Variants in MBNL2 observed in about 807,000 individuals in gnomAD.
MBNL2 encodes the protein muscleblind-like protein 2.
A neutral mutation model predicts 41.9 loss-of-function variants in MBNL2; 17 were observed. That is an observed-to-expected ratio of 0.41 (90% CI 0.28 to 0.61). MBNL2 has a LOEUF of 0.61. MBNL2 is among the 20% of genes least tolerant of loss of function. The probability of loss-of-function intolerance (pLI) is 0.35; values close to 1 mark genes in which losing one functional copy is unlikely to be tolerated. For synonymous variants in MBNL2, 195 were observed against 182.9 expected, an observed-to-expected ratio of 1.07 and a Z score of -0.53; for missense variants, 336 against 505.6, an observed-to-expected ratio of 0.66 and a Z score of 3.22.
chr13:97,234,839 C>G (rs778802450), intron 1 of MBNL2, among the ~76,000 whole-genome samples: 1 of 152,224 alleles, frequency 6.6e-6, no homozygotes, highest in African/African-American at 2.4e-5. Flanking sequence ...CGAGCATTTT[C>G]GCAGTAGCGC....
At chr13:97,281,217 G>T (rs923828602) in intron 2 of MBNL2, among the ~76,000 whole-genome samples, 5 of 152,168 alleles carry the variant, frequency 3.3e-5, no homozygotes, top group African/African-American at 1.2e-4. Context: ...TTGTACAGGG[G>T]TGCACTGCAC....
the MBNL2 span, among the ~76,000 whole-genome samples, chr13:97,191,854 A>T: frequency 6.6e-6 from 1 of 152,150 alleles, no homozygotes; most frequent in Admixed American, 6.5e-5. Flanking sequence ...GCCAGAAGGG[A>T]TCCCACACCC....
At chr13:97,289,443 T>C (rs1283461956) in intron 2 of MBNL2, among the ~76,000 whole-genome samples, 1 of 152,036 alleles carries the variant, frequency 6.6e-6, no homozygotes, top group Non-Finnish European at 1.5e-5. Flanking sequence ...ATTTAAATCA[T>C]ATGGCCTTTC....
the MBNL2 span, among the ~76,000 whole-genome samples, chr13:97,144,268 G>T: frequency 6.6e-6 from 1 of 152,126 alleles, no homozygotes; most frequent in Non-Finnish European, 1.5e-5. Context: ...TGCTAGGATC[G>T]CACCTCCATG....
intron 2 of MBNL2, among the ~76,000 whole-genome samples, chr13:97,306,778 T>G (rs552031753): frequency 7.2e-5 from 11 of 152,336 alleles, no homozygotes; most frequent in Non-Finnish European, 1.3e-4. Context: ...GGAGGAAACC[T>G]GCATGGGAAG....
intron 3 of MBNL2, among the ~76,000 whole-genome samples, chr13:97,335,491 C>G (rs2060802444): frequency 6.6e-6 from 1 of 152,002 alleles, no homozygotes; most frequent in South Asian, 2.1e-4. Flanking sequence ...CAGGGCCTGC[C>G]CAAAGGAGAG....
chr13:97,260,980 G>A (rs535399700), intron 1 of MBNL2, among the ~76,000 whole-genome samples: 2 of 151,888 alleles, frequency 1.3e-5, no homozygotes, highest in African/African-American at 4.8e-5. Flanking sequence ...TGAGCTCTTC[G>A]AGGGTGTTGT....
intron 4 of MBNL2, among the ~76,000 whole-genome samples, chr13:97,345,776 T>G (rs2061789278): frequency 1.4e-5 from 1 of 71,094 alleles, no homozygotes; most frequent in Non-Finnish European, 2.6e-5. Context: ...CCCACCCCCT[T>G]AGAGAGAGGA....
intron 1 of MBNL2, among the ~76,000 whole-genome samples, chr13:97,223,541 A>G (rs2041122883): frequency 6.6e-6 from 1 of 152,218 alleles, no homozygotes; most frequent in Admixed American, 6.5e-5. Context: ...CAAGCACTGA[A>G]GCGAAGAAAA....
At chr13:97,320,631 C>T (rs9584548) in intron 2 of MBNL2, among the ~76,000 whole-genome samples, 6,910 of 152,082 alleles carry the variant, frequency 0.045, 505 homozygotes, top group African/African-American at 0.16. Context: ...TGGCCATCTT[C>T]GGCCACGCAG....
upstream of MBNL2, chr13:97,222,184 A>G (rs539812193): frequency 1.3e-5 from 5 of 379,498 alleles, no homozygotes; most frequent in East Asian, 1.9e-4. Context: ...CACTGTTTTT[A>G]CACACTGCAA....
At chr13:97,149,546 A>C in the MBNL2 span, among the ~76,000 whole-genome samples, 1 of 152,308 alleles carries the variant, frequency 6.6e-6, no homozygotes, top group South Asian at 2.1e-4. Context: ...TAAGAAGCTT[A>C]TGAGTTAGCT....
In MBNL2 at chr13:97,222,352, A is replaced by C; in HGVS notation, c.-784A>C. 2 of 398,570 alleles carry C rather than the reference A, an allele frequency of 5.0e-6. No individual in the cohort carries two copies. Among genetic ancestry groups the C allele is most frequent in the Non-Finnish European group, 8.8e-6 (2 of 226,040 alleles). The allele number at this position is 398,570 out of a possible 1,614,324, so 24.7% of individuals were successfully genotyped here. On this transcript the variant is annotated 5_prime_UTR_variant, in exon 1 of 9. Transcript: ENST00000679496. ...GAGTTTAGACTGTCTTTGCTTCATC[A>C]TCTGAAGGTAAAATTTTCCAGATAC...
Position 97,268,133 on chromosome 13 carries a change from C to T in MBNL2, c.-604-7499C>T, listed in dbSNP as rs772147146. Among the ~76,000 whole-genome samples the T allele has an allele frequency of 1.3e-5, 2 of 151,972 alleles. No individual in the cohort carries two copies. Among genetic ancestry groups the T allele is most frequent in the Non-Finnish European group, 2.9e-5 (2 of 68,022 alleles). On this transcript the variant is annotated intron_variant, in intron 1 of 8. Coordinates refer to ENST00000679496, the MANE Select transcript of MBNL2 (RefSeq NM_001382683.1). This position sits in a 1 kb window ranked among gnomAD's most constrained non-coding sequence, Gnocchi z 4.6. ...TCTTTTGAGACAGCGTCGCTCTTGTCATCCAGGCTAGAGTGCAGTGGCACG... is the reference window on the plus strand; with the variant it reads ...TCTTTTGAGACAGCGTCGCTCTTGTTATCCAGGCTAGAGTGCAGTGGCACG...
intron 2 of MBNL2, among the ~76,000 whole-genome samples, chr13:97,312,897 GT>G (rs776223861): frequency 2.0e-4 from 31 of 152,136 alleles, no homozygotes; most frequent in Non-Finnish European, 4.1e-4. Context: ...TCACAGTAGA[GT>G]TTATAACTTT....
At chr13:97,178,595 G>T in the MBNL2 span, among the ~76,000 whole-genome samples, 1 of 152,222 alleles carries the variant, frequency 6.6e-6, no homozygotes, top group South Asian at 2.1e-4. Flanking sequence ...AATAAACACT[G>T]CTTAGAAATA....
At chr13:97,236,945 G>A (rs1478201642) in intron 1 of MBNL2, among the ~76,000 whole-genome samples, 1 of 151,156 alleles carries the variant, frequency 6.6e-6, no homozygotes, top group Non-Finnish European at 1.5e-5. Context: ...TTTCTATTTG[G>A]CAATCAAGAC....
chr13:97,154,300 C>T, the MBNL2 span, among the ~76,000 whole-genome samples: 3 of 151,856 alleles, frequency 2.0e-5, no homozygotes, highest in African/African-American at 7.3e-5. Flanking sequence ...ATTTTTTACC[C>T]GTTGGTTTTT....
At chr13:97,302,877 G>A (rs909457337) in intron 2 of MBNL2, among the ~76,000 whole-genome samples, 3 of 152,176 alleles carry the variant, frequency 2.0e-5, no homozygotes, top group Non-Finnish European at 2.9e-5. Context: ...TGAGTGCCCT[G>A]CAGCCAAGCG....
Sources: allele counts gnomAD v4.1 joint callset (sites outside exome capture counted in the v4.1 genomes callset), GRCh38; gene constraint gnomAD v4.1.1; non-coding constraint Gnocchi (gnomAD v3.1); transcripts MANE v1.5; gene names NCBI Gene and HGNC (gene_info 2026-07-23, HGNC 2026-07-21).